The following FRMD4B variants were observed in gnomAD, a reference collection of about 807,000 sequenced individuals.
FRMD4B encodes FERM domain containing 4B, also known as FERM domain-containing protein 4B.
A neutral mutation model predicts 141.5 loss-of-function variants in FRMD4B; 74 were observed. That is an observed-to-expected ratio of 0.52 (90% CI 0.43 to 0.63). The LOEUF (loss-of-function observed/expected upper bound fraction) is 0.63, where lower values mean the gene tolerates loss of function less well. FRMD4B is among the 30% of genes least tolerant of loss of function. The probability of loss-of-function intolerance (pLI) is 0.00; values close to 1 mark genes in which losing one functional copy is unlikely to be tolerated. For synonymous variants in FRMD4B, 506 were observed against 467.9 expected (o/e 1.08, Z -1.05); for missense variants, 1,366 against 1,253.4 (o/e 1.09, Z -1.36).
chr3:69,217,051 G>T (rs191159654), intron 10 of FRMD4B, among the ~76,000 whole-genome samples: 4 of 150,326 alleles, frequency 2.7e-5, no homozygotes, highest in East Asian at 3.9e-4. Flanking sequence ...CGTTTCCAAA[G>T]AATTACAAAG....
At chr3:69,377,425 C>G (rs545272051) in intron 1 of FRMD4B, among the ~76,000 whole-genome samples, 52 of 152,334 alleles carry the variant, frequency 3.4e-4, no homozygotes, top group Admixed American at 9.2e-4. Context: ...TCAAGGCAAT[C>G]TCACTCTTCA....
intron 1 of FRMD4B, among the ~76,000 whole-genome samples, chr3:69,382,529 A>G (rs1704141430): frequency 6.6e-6 from 1 of 152,068 alleles, no homozygotes; most frequent in Admixed American, 6.6e-5. Context: ...TATATATTGC[A>G]TGTATATTCG....
At chr3:69,521,120 G>A (rs912135731) in intron 1 of FRMD4B, among the ~76,000 whole-genome samples, 5 of 152,056 alleles carry the variant, frequency 3.3e-5, no homozygotes, top group Non-Finnish European at 7.4e-5. Flanking sequence ...ATCCTCTCAG[G>A]GACAGTGAGG....
At chr3:69,410,400 GTGAGTA>G (rs1427680101) in intron 2 of FRMD4B, among the ~76,000 whole-genome samples, 2 of 152,126 alleles carry the variant, frequency 1.3e-5, no homozygotes, top group African/African-American at 2.4e-5. Context: ...GAATGCGTGT[GTGAGTA>G]TGAGTATGAG....
chr3:69,238,439 G>C (rs1265853942), intron 7 of FRMD4B, among the ~76,000 whole-genome samples: 2 of 152,086 alleles, frequency 1.3e-5, no homozygotes, highest in African/African-American at 4.8e-5. Flanking sequence ...TAGGATTCTT[G>C]GGTATATTAC....
chr3:69,285,958 G>C (rs9864597), intron 5 of FRMD4B, among the ~76,000 whole-genome samples: 10 of 152,136 alleles, frequency 6.6e-5, no homozygotes. Context: ...GATGACAGCA[G>C]ACTTCTCATC....
chr3:69,267,667 AGAGAGAGAGAGAGAGAGAGAGAGT>A lies in FRMD4B; in HGVS notation c.502-17592_502-17569del, dbSNP rs1384396855. Among the ~76,000 whole-genome samples the A allele has an allele frequency of 8.6e-3, 1,188 of 138,890 alleles. 9 individuals are homozygous for A. Among genetic ancestry groups the A allele is most frequent in the South Asian group, 0.02 (86 of 4,258 alleles). The allele number at this position is 138,890 out of a possible 152,430, so 91.1% of individuals were successfully genotyped here. On this transcript the variant is annotated intron_variant, in intron 5 of 22. Transcript: ENST00000398540. Reference sequence around the variant, plus strand: ...GAGAGAGAGAGAGAGAGAGAGAGAGAGAGAGAGAGAGAGAGAGAGAGAGTGTCTGTCTGTCCCCCCAGTCTATCT... The same window carrying A: ...GAGAGAGAGAGAGAGAGAGAGAGAGAGTCTGTCTGTCCCCCCAGTCTATCT...
rs187420107 is a variant in FRMD4B, at chr3:69,505,234, T to G, written c.-129+36972A>C. Among the ~76,000 whole-genome samples the G allele has an allele frequency of 3.8e-4, 58 of 152,072 alleles. No homozygotes were observed. The East Asian group carries it at 0.011, about 29-fold the overall frequency. ...AAAATTAAAAATAAAAAAAATAAGC[T>G]GGGCATGGTAGCACATGCCTGTAGT... is the stretch of plus-strand genomic sequence containing the variant. On this transcript the variant is annotated intron_variant, in intron 1 of 5. Coordinates refer to the FRMD4B transcript ENST00000459638.
intron 12 of FRMD4B, 40 bp downstream of exon 12, chr3:69,198,658 T>G: frequency 1.1e-6 from 1 of 944,654 alleles, no homozygotes; most frequent in Non-Finnish European, 1.7e-6. Flanking sequence ...GTTATTTGTA[T>G]AGTAACTGTG....
chr3:69,535,730 A>G, intron 1 of FRMD4B: 1 of 406,026 alleles, frequency 2.5e-6, no homozygotes, highest in Non-Finnish European at 5.0e-6. Context: ...TTTCACGGGC[A>G]CTTGGGGGTC....
chr3:69,195,364 C>T lies in FRMD4B; in HGVS notation c.1235G>A (p.Gly412Asp), dbSNP rs376525564. The change falls in exon 15 of 23, where the codon GGT becomes GAT. Residue 412 changes from glycine to aspartate, a missense_variant and splice_region_variant. Coordinates refer to ENST00000398540, the MANE Select transcript of FRMD4B (RefSeq NM_015123.3). Reference sequence around the variant, plus strand: ...TTCACTAACTTCTGAGTCTTGAGAACCTAGGGGATGAGGGAAGGGCAGGGA... The same window carrying T: ...TTCACTAACTTCTGAGTCTTGAGAATCTAGGGGATGAGGGAAGGGCAGGGA... The part of the protein sequence containing the change: ...MASNGSLISS[G>D]SQDSEVSEEQ... 6.7e-5 allele frequency: 108 copies of T among 1,607,642 alleles called. 1 individual carries two copies. The highest frequency in any genetic ancestry group is 2.5e-6 in the Non-Finnish European group (3 of 1,178,030).
intron 1 of FRMD4B, among the ~76,000 whole-genome samples, chr3:69,481,010 G>A (rs943410295): frequency 3.9e-5 from 6 of 152,174 alleles, no homozygotes; most frequent in Admixed American, 2.0e-4. Context: ...AGGACCCTCC[G>A]AGCCATGTGC....
intron 1 of FRMD4B, among the ~76,000 whole-genome samples, chr3:69,525,127 A>C (rs1338619256): frequency 2.0e-5 from 3 of 152,264 alleles, no homozygotes; most frequent in Non-Finnish European, 4.4e-5. Flanking sequence ...AGTGACCATG[A>C]GAGCTGAAAG....
intron 5 of FRMD4B, among the ~76,000 whole-genome samples, chr3:69,258,762 T>C (rs2093508199): frequency 6.6e-6 from 1 of 152,208 alleles, no homozygotes. Context: ...TCCTTTGACA[T>C]GCCCTTCTCC....
At chr3:69,286,473 T>A (rs886303637) in intron 5 of FRMD4B, among the ~76,000 whole-genome samples, 6 of 152,116 alleles carry the variant, frequency 3.9e-5, no homozygotes, top group Non-Finnish European at 8.8e-5. Flanking sequence ...TAAAAATGTG[T>A]ATACTATAAA....
chr3:69,309,691 C>G (rs1701511962), intron 3 of FRMD4B, among the ~76,000 whole-genome samples: 1 of 149,906 alleles, frequency 6.7e-6, no homozygotes, highest in East Asian at 1.9e-4. Context: ...AAGGGATCTG[C>G]CCATCTCGGC....
At position 69,357,150 on chromosome 3, in the gene FRMD4B, G is replaced by A. The variant is rs186767161; in HGVS notation, c.162+28678C>T. On this transcript the variant is annotated intron_variant, in intron 1 of 22. Coordinates refer to ENST00000398540, the MANE Select transcript of FRMD4B (RefSeq NM_015123.3). ...GGGCATAGGTGCCAGGGATTCAGTC[G>A]TGAGGAAATGGATAATTCCTGCAGT... Among the ~76,000 whole-genome samples, 257 of 152,286 alleles carry A rather than the reference G, an allele frequency of 1.7e-3. 1 individual carries two copies. Among genetic ancestry groups the A allele is most frequent in the Middle Eastern group, 3.4e-3 (1 of 294 alleles).
chr3:69,179,286 C>T (rs1001151810), intron 21 of FRMD4B, among the ~76,000 whole-genome samples: 1 of 152,092 alleles, frequency 6.6e-6, no homozygotes, highest in Non-Finnish European at 1.5e-5. Context: ...CAGTTAACAC[C>T]TGCTTCCCCC....
intron 1 of FRMD4B, among the ~76,000 whole-genome samples, chr3:69,540,507 G>C (rs1388306171): frequency 1.3e-5 from 2 of 149,152 alleles, no homozygotes; most frequent in Admixed American, 6.7e-5. Flanking sequence ...CCAGCTACTC[G>C]GGAGGCTGAG....
Sources: allele counts gnomAD v4.1 joint callset (sites outside exome capture counted in the v4.1 genomes callset), GRCh38; gene constraint gnomAD v4.1.1; transcripts MANE v1.5; gene names NCBI Gene and HGNC (gene_info 2026-07-23, HGNC 2026-07-21).